The following ZNF728 variants were observed in gnomAD, a reference collection of about 807,000 sequenced individuals.
ZNF728 encodes zinc finger protein 728.
Under a neutral mutation model 12.5 loss-of-function variants are expected in ZNF728, and 12 were observed. That is an observed-to-expected ratio of 0.96 (90% CI 0.61 to 1.55). ZNF728 has a LOEUF of 1.55. Ranked by LOEUF, ZNF728 falls within the 40% of genes most tolerant of loss-of-function variation. ZNF728 has a pLI of 0.00. For missense variants in ZNF728, 692 were observed against 719.2 expected, an observed-to-expected ratio of 0.96 and a Z score of 0.43; for synonymous variants, 205 against 240.7, an observed-to-expected ratio of 0.85 and a Z score of 1.37.
At position 22,975,584 on chromosome 19, in the gene ZNF728, T is replaced by C. The variant is rs1968784659; in HGVS notation, c.1753A>G (p.Ile585Val). 6.9e-6 allele frequency: 11 copies of C among 1,603,958 alleles called. No homozygotes were observed. Among genetic ancestry groups the C allele is most frequent in the Non-Finnish European group, 9.3e-6 (11 of 1,176,622 alleles). ...TTGTAGAATTTCTTTCCAGCATGAA[T>C]TTTCTTATGTTTGTTAAGGACTGAG... ...WVSVLNKHKKIHAGKKFYKCE... is the reference protein window; with the variant it reads ...WVSVLNKHKKVHAGKKFYKCE... Residue 585 changes from isoleucine to valine, a missense_variant, in exon 4 of 4, where the codon ATT becomes GTT. Around this residue, in one of 3 missense-constraint regions of ZNF728, gnomAD observed 244 missense variants for 235.2 expected, o/e 1.04. Coordinates refer to ENST00000594710, the MANE Select transcript of ZNF728 (RefSeq NM_001267716.2).
intron 1 of ZNF728, among the ~76,000 whole-genome samples, chr19:22,990,560 G>A (rs1208697673): frequency 1.3e-5 from 2 of 152,190 alleles, no homozygotes; most frequent in East Asian, 3.9e-4. Context: ...AGCAATTTCT[G>A]CCACAGTAAT....
rs398040954 is a variant in ZNF728, at chr19:22,984,557, C to CA, written c.226+2750dup. ...CTGGAGATAGAGCGAGACTCCATCTCAAAAAAAAAAAAAAAAAAATACACA... is the reference window on the plus strand; with the variant it reads ...CTGGAGATAGAGCGAGACTCCATCTCAAAAAAAAAAAAAAAAAAAATACACA... On this transcript the variant is annotated intron_variant, in intron 3 of 3. Coordinates refer to ENST00000594710, the MANE Select transcript of ZNF728 (RefSeq NM_001267716.2). 3.5e-3 allele frequency among the ~76,000 whole-genome samples: 272 copies of CA among 76,998 alleles called. 3 individuals are homozygous for CA. The highest frequency in any genetic ancestry group is 9.8e-3 in the Middle Eastern group (1 of 102). 50.5% of individuals were successfully genotyped at this position (76,998 alleles called of 152,430 possible).
intron 3 of ZNF728, among the ~76,000 whole-genome samples, chr19:22,984,669 T>A (rs1013918611): frequency 6.6e-6 from 1 of 150,936 alleles, no homozygotes; most frequent in Non-Finnish European, 1.5e-5. Flanking sequence ...CTTATGCAAA[T>A]GTTGTAATAG....
rs181602108 is a variant in ZNF728 at position 22,997,549 on chromosome 19, T to C, written c.3+5479A>G. Among the ~76,000 whole-genome samples the C allele has an allele frequency of 3.9e-5, 6 of 151,988 alleles. No homozygotes were observed. The Middle Eastern group carries it at 0.014, about 345-fold the overall frequency. ...AAATTCATAGCGTTAAATCCTCACA[T>C]CAGAAAGTTAGATCTCAGTTTAACA... On this transcript the variant is annotated intron_variant, in intron 1 of 3. Coordinates refer to ENST00000594710, the MANE Select transcript of ZNF728 (RefSeq NM_001267716.2).
At chr19:22,985,708 T>C (rs777835652) in intron 3 of ZNF728, 3 of 152,200 alleles carry the variant, frequency 2.0e-5, no homozygotes, top group Non-Finnish European at 4.4e-5. Flanking sequence ...GTCTTGGGTC[T>C]TCCAGAGGCC....
At chr19:22,977,973 A>T (rs897740952) in intron 3 of ZNF728, among the ~76,000 whole-genome samples, 2 of 152,108 alleles carry the variant, frequency 1.3e-5, no homozygotes, top group African/African-American at 4.8e-5. Context: ...GGAACACAAA[A>T]GACTATAGAA....
At chr19:22,994,089 T>C (rs558385344) in intron 1 of ZNF728, among the ~76,000 whole-genome samples, 3 of 152,258 alleles carry the variant, frequency 2.0e-5, no homozygotes, top group Admixed American at 1.3e-4. Flanking sequence ...TTGGGCCCCA[T>C]GGTCACTGAA....
At chr19:22,977,245 C>T (rs1052366858) in intron 3 of ZNF728, 135 bp from the exon 4 acceptor site, 5 of 828,012 alleles carry the variant, frequency 6.0e-6, no homozygotes, top group Admixed American at 3.3e-5. Flanking sequence ...TCTTCACAGA[C>T]ATATAAATGT....
At position 23,000,874 on chromosome 19, in the gene ZNF728, A is replaced by AAAAC. The variant is rs1555703735; in HGVS notation, c.3+2153_3+2154insGTTT. On this transcript the variant is annotated intron_variant, in intron 1 of 3. Transcript: ENST00000594710. ...CAGAGGAAAACACTGTCAAAAAAAA[A>AAAAC]AAAAAAAAAAACCAAAAAAAAAAAA... is the stretch of plus-strand genomic sequence containing the variant. 2.8e-4 allele frequency among the ~76,000 whole-genome samples: 39 copies of AAAAC among 138,124 alleles called. 1 individual carries two copies. The highest frequency in any genetic ancestry group is 5.2e-4 in the African/African-American group (17 of 33,004). 90.6% of individuals were successfully genotyped at this position (138,124 alleles called of 152,430 possible). A position where few individuals can be genotyped will look rare whatever the true frequency, so the allele number is the denominator to read the frequency against.
intron 3 of ZNF728, among the ~76,000 whole-genome samples, chr19:22,984,254 G>A (rs1436791487): frequency 6.7e-6 from 1 of 148,350 alleles, no homozygotes; most frequent in Non-Finnish European, 1.5e-5. Context: ...TACAATAATA[G>A]AAAAAAATTG....
chr19:22,987,379 A>G lies in ZNF728; in HGVS notation c.155T>C (p.Leu52Pro), dbSNP rs758567582. The G allele has an allele frequency of 6.2e-7, 1 of 1,609,988 alleles. No homozygotes were observed. Among genetic ancestry groups the G allele is most frequent in the Non-Finnish European group, 8.5e-7 (1 of 1,178,450 alleles). Residue 52 changes from leucine to proline, a missense_variant, in exon 3 of 4, where the codon CTG (leucine) becomes CCG (proline). By Grantham distance (98) the Leu-to-Pro change is moderately conservative (BLOSUM62 -3). Coordinates refer to ENST00000594710, the MANE Select transcript of ZNF728 (RefSeq NM_001267716.2). The stretch of plus-strand genomic sequence containing the variant: ...TTTTCCTTGCTCCAGAAAAATGATC[A>G]GGTCTGGCTTAGGGGCAGCAATACC... ...FLGIAAPKPD[L>P]IIFLEQGKEP...
intron 1 of ZNF728, among the ~76,000 whole-genome samples, chr19:22,993,635 T>C (rs954535340): frequency 3.2e-4 from 49 of 152,230 alleles, no homozygotes; most frequent in Admixed American, 9.8e-4. Context: ...AGTGAGCTGA[T>C]ACAAAATTGG....
chr19:22,993,642 T>C (rs987383252), intron 1 of ZNF728, among the ~76,000 whole-genome samples: 1 of 152,152 alleles, frequency 6.6e-6, no homozygotes, highest in South Asian at 2.1e-4. Context: ...TGATACAAAA[T>C]TGGTTGCGAG....
chr19:22,994,369 C>G (rs900113342), intron 1 of ZNF728, among the ~76,000 whole-genome samples: 1 of 152,174 alleles, frequency 6.6e-6, no homozygotes, highest in East Asian at 1.9e-4. Context: ...TCTGGTAATT[C>G]TAGACAGGAT....
intron 3 of ZNF728, among the ~76,000 whole-genome samples, chr19:22,983,924 C>T (rs1968887006): frequency 6.6e-6 from 1 of 152,008 alleles, no homozygotes; most frequent in African/African-American, 2.4e-5. Flanking sequence ...TTGATGGGTA[C>T]AGCAAACCAC....
In ZNF728 at chr19:22,977,096, A is replaced by G. The variant is rs1221707929; in HGVS notation, c.241T>C (p.Phe81Leu). Residue 81 changes from phenylalanine (F) to leucine (L), a missense_variant, in exon 4 of 4, where the codon TTT becomes CTT. Transcript: ENST00000594710. Reference sequence around the variant, plus strand: ...TGCTCTGGCCAAAGGTCTTGAGCAAAATGAGAACATATAACTGAAAAGAAA... The same window carrying G: ...TGCTCTGGCCAAAGGTCTTGAGCAAGATGAGAACATATAACTGAAAAGAAA... ...VKEPPVICSHFAQDLWPEQGR... is the reference protein window; with the variant it reads ...VKEPPVICSHLAQDLWPEQGR... 1.3e-6 allele frequency: 2 copies of G among 1,574,016 alleles called. No individual in the cohort carries two copies. The highest frequency in any genetic ancestry group is 4.5e-5 in the East Asian group (2 of 44,390).
chr19:22,980,746 A>C (rs1194670159), intron 3 of ZNF728, among the ~76,000 whole-genome samples: 1 of 152,186 alleles, frequency 6.6e-6, no homozygotes, highest in Non-Finnish European at 1.5e-5. Context: ...CACAACATGG[A>C]AACGGAACAA....
At chr19:22,987,235 A>G (rs1255508370) in intron 3 of ZNF728, 73 bp downstream of exon 3, 102 of 1,335,070 alleles carry the variant, frequency 7.6e-5, no homozygotes, top group Non-Finnish European at 1.0e-4. Context: ...AGCTTCCCAT[A>G]TCACTTTAAG....
Position 22,975,083 on chromosome 19 carries a change from C to A in ZNF728, c.*385G>T, listed in dbSNP as rs1968778456. Among the ~76,000 whole-genome samples the A allele has an allele frequency of 6.6e-6, 1 of 152,172 alleles. No homozygotes were observed. Among genetic ancestry groups the A allele is most frequent in the African/African-American group, 2.4e-5 (1 of 41,444 alleles). On this transcript the variant is annotated 3_prime_UTR_variant, in exon 4 of 4. Coordinates refer to ENST00000594710, the MANE Select transcript of ZNF728 (RefSeq NM_001267716.2). ...CTAGGATTTCTCACCAGTATGATTT[C>A]TTTTATATTCAGAAAAGTTTCAGGT... is the stretch of plus-strand genomic sequence containing the variant.
Sources: allele counts gnomAD v4.1 joint callset (sites outside exome capture counted in the v4.1 genomes callset), GRCh38; gene constraint gnomAD v4.1.1; regional missense constraint gnomAD v4.1.1; transcripts MANE v1.5; gene names NCBI Gene and HGNC (gene_info 2026-07-23, HGNC 2026-07-21).